Variants in PPM1H observed in about 807,000 individuals in gnomAD.
PPM1H encodes the protein protein phosphatase 1H.
PPM1H carries 27 observed loss-of-function variants against 54.9 expected under a neutral mutation model. That is an observed-to-expected ratio of 0.49 (90% CI 0.36 to 0.68). PPM1H has a LOEUF of 0.68. Ranked by LOEUF, PPM1H falls within the 30% of genes least tolerant of loss-of-function variation. The probability of loss-of-function intolerance (pLI) is 0.00; values close to 1 mark genes in which losing one functional copy is unlikely to be tolerated. For missense variants in PPM1H, 596 were observed against 667.8 expected (o/e 0.89, Z 1.19); for synonymous variants, 305 against 270.8 (o/e 1.13, Z -1.24).
In PPM1H at chr12:62,886,726, G is replaced by T. The variant is rs192821773; in HGVS notation, c.245+47766C>A. 3.9e-5 allele frequency among the ~76,000 whole-genome samples: 6 copies of T among 152,292 alleles called. No homozygotes were observed. In the East Asian group the frequency reaches 7.7e-4, roughly 20 times the overall value. ...GCTCAACACAATTATTTCATCACAG[G>T]AATGTCTTTAAATAGTTGTCACATA... On this transcript the variant is annotated intron_variant, in intron 1 of 9. Transcript: ENST00000228705.
rs576634420 is a variant in PPM1H, at chr12:62,742,856, G to C, written c.870-5270C>G. 2.6e-5 allele frequency among the ~76,000 whole-genome samples: 4 copies of C among 152,282 alleles called. No homozygotes were observed. The East Asian group carries it at 7.7e-4, about 29-fold the overall frequency. ...CCCACCCAATAACCATTCCCATACA[G>C]AGGGGATGGGTTTTCAGCATATTAT... On this transcript the variant is annotated intron_variant, in intron 4 of 9. Transcript: ENST00000228705.
chr12:62,888,848 G>A (rs1057272535), intron 1 of PPM1H, among the ~76,000 whole-genome samples: 2 of 152,184 alleles, frequency 1.3e-5, no homozygotes, highest in Admixed American at 6.5e-5. Flanking sequence ...GAGGATACTT[G>A]GCTAAAGTCT....
intron 8 of PPM1H, among the ~76,000 whole-genome samples, chr12:62,674,199 C>G (rs949664318): frequency 6.6e-6 from 1 of 152,112 alleles, no homozygotes; most frequent in Non-Finnish European, 1.5e-5. Context: ...ATCTGAATAT[C>G]GTCTAGTTGG....
chr12:62,835,251 C>T (rs1412708446), intron 1 of PPM1H, among the ~76,000 whole-genome samples: 1 of 152,150 alleles, frequency 6.6e-6, no homozygotes, highest in African/African-American at 2.4e-5. Context: ...CCTGTCTTTC[C>T]CTGAGTGGTT....
chr12:62,763,660 C>T (rs567803732), intron 4 of PPM1H, among the ~76,000 whole-genome samples: 1 of 152,312 alleles, frequency 6.6e-6, no homozygotes, highest in South Asian at 2.1e-4. Flanking sequence ...TATTGCAGAT[C>T]ATTAAACATT....
At chr12:62,703,057 C>T (rs1000132872) in intron 6 of PPM1H, among the ~76,000 whole-genome samples, 1 of 152,196 alleles carries the variant, frequency 6.6e-6, no homozygotes, top group African/African-American at 2.4e-5. Flanking sequence ...GGATAAGGTG[C>T]TATTTGGCCA....
chr12:62,783,838 T>A (rs1209658300), intron 4 of PPM1H, among the ~76,000 whole-genome samples: 1 of 152,192 alleles, frequency 6.6e-6, no homozygotes, highest in Non-Finnish European at 1.5e-5. Context: ...CCTTTAGACA[T>A]TGTTTAAAAT....
At chr12:62,824,215 G>A (rs1009573008) in intron 2 of PPM1H, among the ~76,000 whole-genome samples, 1 of 152,092 alleles carries the variant, frequency 6.6e-6, no homozygotes, top group African/African-American at 2.4e-5. Context: ...GCCTCTTCAA[G>A]GAAAACTACA....
At chr12:62,673,765 G>A (rs920788447) in intron 8 of PPM1H, among the ~76,000 whole-genome samples, 61 of 95,262 alleles carry the variant, frequency 6.4e-4, no homozygotes, top group South Asian at 1.7e-3. Flanking sequence ...TTGCTGTGTC[G>A]CGCAGGCTGG....
intron 1 of PPM1H, among the ~76,000 whole-genome samples, chr12:62,895,510 G>C (rs944523984): frequency 6.6e-6 from 1 of 151,796 alleles, no homozygotes; most frequent in Non-Finnish European, 1.5e-5. Flanking sequence ...CTGCCCTACT[G>C]CTACGGTTTG....
At chr12:62,805,790 A>G (rs2076802357) in intron 2 of PPM1H, among the ~76,000 whole-genome samples, 1 of 152,216 alleles carries the variant, frequency 6.6e-6, no homozygotes, top group Non-Finnish European at 1.5e-5. Context: ...TGGTGACTTT[A>G]GTTAGTAACA....
At chr12:62,927,620 C>T (rs1012945511) in intron 1 of PPM1H, among the ~76,000 whole-genome samples, 5 of 150,436 alleles carry the variant, frequency 3.3e-5, no homozygotes, top group African/African-American at 1.2e-4. Flanking sequence ...CGAGATCGTA[C>T]CACTGCACTC....
Position 62,658,182 on chromosome 12 carries a change from A to ATTTTTT in PPM1H, c.1397+8990_1397+8995dup, listed in dbSNP as rs1173229360. On this transcript the variant is annotated intron_variant, in intron 9 of 9. Transcript: ENST00000228705. The stretch of plus-strand genomic sequence containing the variant: ...GAGACCAGCCTGGGTAACACGGTGA[A>ATTTTTT]TTTTTTTTTTTTTTTTTTTTTTTTT... Among the ~76,000 whole-genome samples the ATTTTTT allele has an allele frequency of 9.9e-3, 864 of 87,446 alleles. 43 individuals carry two copies. The highest frequency in any genetic ancestry group is 0.018 in the African/African-American group (411 of 22,318). 57.4% of individuals were successfully genotyped at this position (87,446 alleles called of 152,430 possible). A position where few individuals can be genotyped will look rare whatever the true frequency, so the allele number is the denominator to read the frequency against.
intron 2 of PPM1H, among the ~76,000 whole-genome samples, chr12:62,824,482 G>A (rs1449285973): frequency 5.9e-5 from 9 of 152,054 alleles, no homozygotes; most frequent in African/African-American, 1.2e-4. Context: ...GAGGCATCAC[G>A]CTACCTGACT....
At chr12:62,863,215 A>T (rs1869663009) in intron 1 of PPM1H, among the ~76,000 whole-genome samples, 1 of 150,966 alleles carries the variant, frequency 6.6e-6, no homozygotes, top group Non-Finnish European at 1.5e-5. Context: ...TTTTGTAGAG[A>T]TGGGGGTCTC....
At chr12:62,841,734 T>C (rs559199519) in intron 1 of PPM1H, among the ~76,000 whole-genome samples, 5 of 152,212 alleles carry the variant, frequency 3.3e-5, no homozygotes, top group Non-Finnish European at 7.3e-5. Context: ...TGGATACACT[T>C]TGCTTTACCA....
chr12:62,933,405 G>T (rs1055081683), intron 1 of PPM1H, among the ~76,000 whole-genome samples: 2 of 152,114 alleles, frequency 1.3e-5, no homozygotes, highest in Admixed American at 1.3e-4. Flanking sequence ...CCAGGCATTG[G>T]AAGAGCTGAT....
At chr12:62,755,594 C>A in intron 4 of PPM1H, 2 of 657,324 alleles carry the variant, frequency 3.0e-6, no homozygotes, top group East Asian at 2.6e-5. Context: ...ATCTCTGCCC[C>A]TTCTGCTGAC....
chr12:62,842,876 G>A (rs1318355311), intron 1 of PPM1H, among the ~76,000 whole-genome samples: 1 of 152,198 alleles, frequency 6.6e-6, no homozygotes, highest in Non-Finnish European at 1.5e-5. Context: ...GACTCCCTAG[G>A]TTTGAATCCT....
Sources: allele counts gnomAD v4.1 joint callset (sites outside exome capture counted in the v4.1 genomes callset), GRCh38; gene constraint gnomAD v4.1.1; transcripts MANE v1.5; gene names NCBI Gene and HGNC (gene_info 2026-07-23, HGNC 2026-07-21).